Variants in ZNF423 observed in about 807,000 individuals in gnomAD.
ZNF423 encodes the protein Ebf-associated zinc finger protein.
Under a neutral mutation model 95.8 loss-of-function variants are expected in ZNF423, and 12 were observed. That is an observed-to-expected ratio of 0.13 (90% CI 0.08 to 0.20). ZNF423 has a LOEUF of 0.20. ZNF423 is among the 10% of genes least tolerant of loss of function. ZNF423 has a pLI of 1.00. For missense variants in ZNF423, 1,316 were observed against 1,737.1 expected (o/e 0.76, Z 4.31); for synonymous variants, 749 against 711.9 (o/e 1.05, Z -0.83).
Position 49,848,559 on chromosome 16 carries a change from C to T in ZNF423, c.40+7176G>A, listed in dbSNP as rs547931829. Reference sequence around the variant, plus strand: ...GTCCCTGCTCCAAAGGTGACATCAGCCCCAGCACCCCCATTATCTGGGAGA... The same window carrying T: ...GTCCCTGCTCCAAAGGTGACATCAGTCCCAGCACCCCCATTATCTGGGAGA... On this transcript the variant is annotated intron_variant, in intron 1 of 7. Transcript: ENST00000563137. 5.9e-5 allele frequency among the ~76,000 whole-genome samples: 9 copies of T among 152,254 alleles called. No individual in the cohort carries two copies. In the South Asian group the frequency reaches 1.5e-3, roughly 25 times the overall value.
At chr16:49,654,770 A>G (rs1475974198) in intron 3 of ZNF423, among the ~76,000 whole-genome samples, 1 of 152,236 alleles carries the variant, frequency 6.6e-6, no homozygotes, top group East Asian at 1.9e-4. Context: ...GTCAGCCTTC[A>G]GATTAGGCCA....
chr16:49,826,993 G>A (rs1171571837), intron 1 of ZNF423: 1 of 152,164 alleles, frequency 6.6e-6, no homozygotes, highest in South Asian at 2.1e-4. Context: ...GGACATTCCG[G>A]AGGGTTTGAT....
intron 5 of ZNF423, among the ~76,000 whole-genome samples, chr16:49,605,295 T>C (rs917905553): frequency 6.6e-6 from 1 of 152,246 alleles, no homozygotes; most frequent in African/African-American, 2.4e-5. Context: ...CTTCTCTCGT[T>C]CATTAAATAC....
rs73573315 is a variant in ZNF423 at position 49,714,973 on chromosome 16, G to A, written c.301+15798C>T. On this transcript the variant is annotated intron_variant, in intron 3 of 7. Coordinates refer to ENST00000563137, the MANE Select transcript of ZNF423 (RefSeq NM_001379286.1). ...GAGGGGAAGGCTTCTTTCCAGTCCC[G>A]AGGAGACGGCCCAGCTGCAAGCCCC... 4.1e-3 allele frequency among the ~76,000 whole-genome samples: 628 copies of A among 152,150 alleles called. 6 individuals carry two copies. Among genetic ancestry groups the A allele is most frequent in the African/African-American group, 0.014 (586 of 41,500 alleles).
chr16:49,689,549 G>A (rs376856477), intron 3 of ZNF423, among the ~76,000 whole-genome samples: 39 of 152,228 alleles, frequency 2.6e-4, no homozygotes, highest in African/African-American at 9.4e-4. Context: ...CCACACCTCC[G>A]TGACCTCCAG....
chr16:49,619,908 T>A (rs1183907427), intron 5 of ZNF423, among the ~76,000 whole-genome samples: 1 of 152,140 alleles, frequency 6.6e-6, no homozygotes, highest in Admixed American at 6.5e-5. Flanking sequence ...GGCGAGACAC[T>A]GACTTCCACT....
At chr16:49,682,952 C>A (rs947301266) in intron 3 of ZNF423, among the ~76,000 whole-genome samples, 2 of 152,212 alleles carry the variant, frequency 1.3e-5, no homozygotes, top group African/African-American at 2.4e-5. Context: ...CCCCACCGGG[C>A]ACCCGTGTCA....
chr16:49,531,820 C>T, intron 5 of ZNF423, among the ~76,000 whole-genome samples: 1 of 152,150 alleles, frequency 6.6e-6, no homozygotes, highest in Non-Finnish European at 1.5e-5. Flanking sequence ...CCAACACCCC[C>T]AGCTCTGGCA....
intron 2 of ZNF423, among the ~76,000 whole-genome samples, chr16:49,736,628 T>C (rs2033292244): frequency 6.6e-6 from 1 of 152,014 alleles, no homozygotes; most frequent in South Asian, 2.1e-4. Context: ...GACCCCATCT[T>C]TACAAAAATT....
chr16:49,676,327 A>G (rs578119237), intron 3 of ZNF423, among the ~76,000 whole-genome samples: 3 of 152,282 alleles, frequency 2.0e-5, no homozygotes, highest in South Asian at 2.1e-4. Flanking sequence ...AGATCTGGAC[A>G]TCCATAACAA....
chr16:49,596,083 G>A (rs886089489), intron 5 of ZNF423, among the ~76,000 whole-genome samples: 1 of 152,166 alleles, frequency 6.6e-6, no homozygotes, highest in Non-Finnish European at 1.5e-5. Context: ...TGGCAGGGGT[G>A]CAGTATTTTC....
chr16:49,546,684 C>A (rs1359939144), intron 5 of ZNF423, among the ~76,000 whole-genome samples: 8 of 152,172 alleles, frequency 5.3e-5, no homozygotes, highest in Non-Finnish European at 1.2e-4. Flanking sequence ...CATCAGGGGG[C>A]ACAGAATTAA....
At chr16:49,718,666 A>C (rs1475512980) in intron 3 of ZNF423, among the ~76,000 whole-genome samples, 2 of 152,176 alleles carry the variant, frequency 1.3e-5, no homozygotes, top group African/African-American at 4.8e-5. Flanking sequence ...CGGGAAGTCC[A>C]AGATCAAGGT....
chr16:49,852,037 C>G (rs948253770), intron 1 of ZNF423, among the ~76,000 whole-genome samples: 1 of 152,160 alleles, frequency 6.6e-6, no homozygotes, highest in Admixed American at 6.5e-5. Flanking sequence ...TGTATGTGGT[C>G]TCAGCTGAAT....
chr16:49,643,570 GGGA>G (rs1225145623), intron 3 of ZNF423, among the ~76,000 whole-genome samples: 1 of 122,070 alleles, frequency 8.2e-6, no homozygotes, highest in African/African-American at 3.3e-5. Flanking sequence ...CCCCCACTTT[GGGA>G]GGAGAAGCAT....
intron 1 of ZNF423, among the ~76,000 whole-genome samples, chr16:49,837,178 G>T (rs180983591): frequency 6.6e-6 from 1 of 152,280 alleles, no homozygotes; most frequent in East Asian, 1.9e-4. Flanking sequence ...TACAGAGGGG[G>T]CCCTGGCGAG....
intron 3 of ZNF423, among the ~76,000 whole-genome samples, chr16:49,644,972 G>A (rs956146641): frequency 1.3e-5 from 2 of 152,062 alleles, no homozygotes; most frequent in Admixed American, 1.3e-4. Flanking sequence ...ATGGGAAGCT[G>A]GAATTCATGC....
At position 49,597,645 on chromosome 16, in the gene ZNF423, G is replaced by A. The variant is rs530579014; in HGVS notation, c.3601+28525C>T. Among the ~76,000 whole-genome samples, 19 of 152,096 alleles carry A rather than the reference G, an allele frequency of 1.2e-4. 1 individual carries two copies. Among genetic ancestry groups the A allele is most frequent in the South Asian group, 6.3e-4 (3 of 4,788 alleles). On this transcript the variant is annotated intron_variant, in intron 5 of 7. Transcript: ENST00000563137. ...CAGTCTGCCGTGTGCAAGCCTGCCT[G>A]GTGTCCATGCATGTCGGTGCCGTTC...
rs558105986 is a variant in ZNF423, at chr16:49,562,881, C to T, written c.3602-37387G>A. Among the ~76,000 whole-genome samples, 40 of 152,106 alleles carry T rather than the reference C, an allele frequency of 2.6e-4. 1 individual carries two copies. The South Asian group carries it at 7.5e-3, about 28-fold the overall frequency. On this transcript the variant is annotated intron_variant, in intron 5 of 7. Coordinates refer to ENST00000563137, the MANE Select transcript of ZNF423 (RefSeq NM_001379286.1). Reference sequence around the variant, plus strand: ...GCAACCTCCACCTCCTGGGTTCAAGCGATTCTCCTGCCTCAGCCTCCCGAG... The same window carrying T: ...GCAACCTCCACCTCCTGGGTTCAAGTGATTCTCCTGCCTCAGCCTCCCGAG...
Sources: gnomAD v4.1 joint callset for allele counts (sites outside exome capture counted in the v4.1 genomes callset) on GRCh38, gnomAD v4.1.1 for gene constraint, MANE v1.5 for transcripts, NCBI Gene and HGNC (gene_info 2026-07-23, HGNC 2026-07-21) for gene names.